CSMD1: variants seen among roughly 807,000 people sequenced by gnomAD.
The protein encoded by CSMD1 is CUB and sushi domain-containing protein 1.
A neutral mutation model predicts 417.5 loss-of-function variants in CSMD1; 213 were observed. The ratio of observed to expected loss-of-function variants is 0.51; its 90% CI spans 0.46 to 0.57. CSMD1 has a LOEUF of 0.57. Among genes scored for constraint, CSMD1 ranks in the 20% least tolerant of loss-of-function variants. The pLI is 0.00. For missense variants in CSMD1, 6,923 were observed against 4,529.7 expected, an observed-to-expected ratio of 1.53 and a Z score of -15.17; for synonymous variants, 2,862 against 1,736.8, an observed-to-expected ratio of 1.65 and a Z score of -16.11.
chr8:3,122,505 C>G (rs1400286809), intron 41 of CSMD1, among the ~76,000 whole-genome samples: 3 of 152,056 alleles, frequency 2.0e-5, no homozygotes, highest in African/African-American at 7.2e-5. Context: ...TGGCTGTGTC[C>G]CCACCCAAAT....
intron 41 of CSMD1, among the ~76,000 whole-genome samples, chr8:3,140,323 G>C (rs1190324755): frequency 6.9e-6 from 1 of 145,162 alleles, no homozygotes; most frequent in Non-Finnish European, 1.5e-5. Flanking sequence ...CTTCCTCTCT[G>C]ATGTTCTCTC....
chr8:3,506,131 G>C (rs568994867), intron 10 of CSMD1, among the ~76,000 whole-genome samples: 6 of 152,278 alleles, frequency 3.9e-5, no homozygotes, highest in African/African-American at 9.6e-5. Context: ...GATAGGTGCG[G>C]CGGCCAGCAG....
chr8:3,076,118 T>A (rs940871191), intron 49 of CSMD1, among the ~76,000 whole-genome samples: 2 of 152,186 alleles, frequency 1.3e-5, no homozygotes. Flanking sequence ...TGTATTCTTT[T>A]GCCAGGGCTG....
At chr8:4,605,321 T>C (rs1186041103) in intron 2 of CSMD1, among the ~76,000 whole-genome samples, 3 of 152,166 alleles carry the variant, frequency 2.0e-5, no homozygotes, top group Non-Finnish European at 4.4e-5. Flanking sequence ...GTGGGTTCTC[T>C]TGAAGCAATG....
intron 2 of CSMD1, among the ~76,000 whole-genome samples, chr8:4,446,549 C>CTTTGT (rs145364632): frequency 6.6e-6 from 1 of 152,012 alleles, no homozygotes. Flanking sequence ...CCCGGTTCTG[C>CTTTGT]TTTGTTTTGT....
chr8:3,630,292 G>C (rs1796714261), intron 7 of CSMD1, among the ~76,000 whole-genome samples: 1 of 152,096 alleles, frequency 6.6e-6, no homozygotes, highest in African/African-American at 2.4e-5. Flanking sequence ...AAGCTGAAAT[G>C]GAAAAGATGG....
At chr8:3,364,711 T>C (rs1421589836) in intron 20 of CSMD1, among the ~76,000 whole-genome samples, 1 of 152,208 alleles carries the variant, frequency 6.6e-6, no homozygotes, top group African/African-American at 2.4e-5. Context: ...TCTGACCATA[T>C]TACCTTCTGC....
intron 3 of CSMD1, among the ~76,000 whole-genome samples, chr8:4,108,917 A>G (rs1299009768): frequency 6.6e-6 from 1 of 152,320 alleles, no homozygotes; most frequent in African/African-American, 2.4e-5. Flanking sequence ...AAAAACTGTG[A>G]CAAAAAATTC....
At chr8:3,794,646 G>T (rs957891546) in intron 5 of CSMD1, among the ~76,000 whole-genome samples, 4 of 151,798 alleles carry the variant, frequency 2.6e-5, no homozygotes, top group East Asian at 3.9e-4. Context: ...CACATGACTA[G>T]AAGTTATGTG....
intron 10 of CSMD1, among the ~76,000 whole-genome samples, chr8:3,523,429 G>A (rs557896093): frequency 1.3e-5 from 2 of 152,320 alleles, no homozygotes; most frequent in South Asian, 4.1e-4. Context: ...CAACCTAGAT[G>A]CAGAAACTGA....
At chr8:3,610,430 G>C (rs2117132161) in intron 8 of CSMD1, among the ~76,000 whole-genome samples, 1 of 151,486 alleles carries the variant, frequency 6.6e-6, no homozygotes, top group South Asian at 2.1e-4. Context: ...AACTACACAG[G>C]AGATCGAAGT....
In CSMD1 at chr8:3,434,693, C is replaced by T. The variant is rs142870376; in HGVS notation, c.1562-25088G>A. ...TTCTCCATATCCCCCTCATTCCTGC[C>T]CCATAGACTTCATTTTGCTGCTGAA... On this transcript the variant is annotated intron_variant, in intron 12 of 69. Transcript: ENST00000635120. Among the ~76,000 whole-genome samples the T allele has an allele frequency of 2.9e-3, 439 of 152,184 alleles. 5 individuals carry two copies. Among genetic ancestry groups the T allele is most frequent in the Admixed American group, 9.0e-3 (137 of 15,286 alleles).
chr8:3,073,426 C>T (rs190735677), intron 49 of CSMD1, among the ~76,000 whole-genome samples: 271 of 146,984 alleles, frequency 1.8e-3, no homozygotes, highest in Middle Eastern at 3.5e-3. Flanking sequence ...GAGAGGGTGA[C>T]ATCTTAAAAC....
At chr8:4,501,657 C>A (rs956807525) in intron 2 of CSMD1, among the ~76,000 whole-genome samples, 3 of 152,142 alleles carry the variant, frequency 2.0e-5, no homozygotes, top group Non-Finnish European at 4.4e-5. Context: ...CCACTCCATC[C>A]CAGCCAGGAC....
chr8:3,666,101 G>A (rs1798680005), intron 7 of CSMD1, among the ~76,000 whole-genome samples: 1 of 152,142 alleles, frequency 6.6e-6, no homozygotes, highest in African/African-American at 2.4e-5. Context: ...TCACCATGTT[G>A]GCCAGGCTGG....
At chr8:3,464,331 A>C (rs2117168055) in intron 12 of CSMD1, among the ~76,000 whole-genome samples, 1 of 152,296 alleles carries the variant, frequency 6.6e-6, no homozygotes, top group East Asian at 1.9e-4. Flanking sequence ...TCCAGGGATC[A>C]AGTTTGCTTC....
chr8:3,584,912 G>T (rs1800532809), intron 9 of CSMD1, among the ~76,000 whole-genome samples: 1 of 152,170 alleles, frequency 6.6e-6, no homozygotes, highest in Non-Finnish European at 1.5e-5. Context: ...AAGTGCTTAA[G>T]GGTCTTATGT....
chr8:4,532,753 C>A (rs890181003), intron 2 of CSMD1, among the ~76,000 whole-genome samples: 2 of 150,148 alleles, frequency 1.3e-5, no homozygotes, highest in East Asian at 2.0e-4. Flanking sequence ...ATCCTGCACC[C>A]CCATTCAGTC....
At chr8:3,331,021 C>G (rs190427235) in intron 23 of CSMD1, among the ~76,000 whole-genome samples, 1 of 152,002 alleles carries the variant, frequency 6.6e-6, no homozygotes, top group Non-Finnish European at 1.5e-5. Context: ...GAGGCCGAGG[C>G]GGGCGGATCA....
Sources: gnomAD v4.1 joint callset for allele counts (sites outside exome capture counted in the v4.1 genomes callset) on GRCh38, gnomAD v4.1.1 for gene constraint, MANE v1.5 for transcripts, NCBI Gene and HGNC (gene_info 2026-07-23, HGNC 2026-07-21) for gene names.